The following CCDC6 variants were observed in gnomAD, a reference collection of about 807,000 sequenced individuals.
CCDC6 encodes the protein coiled-coil domain containing 6.
In CCDC6, 20 loss-of-function variants were observed where a neutral mutation model predicts 56.6. The observed-to-expected ratio is 0.35, with a 90% CI of 0.25 to 0.51. The LOEUF is 0.51. Among genes scored for constraint, CCDC6 ranks in the 20% least tolerant of loss-of-function variants. CCDC6 has a pLI of 0.95. For missense variants in CCDC6, 367 were observed against 601.1 expected (o/e 0.61, Z 4.07); for synonymous variants, 241 against 234.4 (o/e 1.03, Z -0.26).
chr10:59,811,907 A>C (rs2070675492), intron 5 of CCDC6, among the ~76,000 whole-genome samples: 1 of 152,222 alleles, frequency 6.6e-6, no homozygotes, highest in African/African-American at 2.4e-5. Flanking sequence ...GTATGTGTAT[A>C]AATAAGTTTA....
At chr10:59,894,804 G>T (rs1027236817) in intron 1 of CCDC6, among the ~76,000 whole-genome samples, 2 of 152,132 alleles carry the variant, frequency 1.3e-5, no homozygotes, top group African/African-American at 4.8e-5. Flanking sequence ...CCAGGAAGGG[G>T]AGCACAGACT....
intron 1 of CCDC6, among the ~76,000 whole-genome samples, chr10:59,871,706 C>A (rs2071231253): frequency 6.6e-6 from 1 of 152,084 alleles, no homozygotes. Flanking sequence ...CTTCAGCCTG[C>A]CTACATTTCC....
At chr10:59,891,744 G>C (rs1409397516) in intron 1 of CCDC6, among the ~76,000 whole-genome samples, 1 of 152,008 alleles carries the variant, frequency 6.6e-6, no homozygotes, top group East Asian at 1.9e-4. Context: ...CAGCAAAAGA[G>C]GGAAGGGCAG....
chr10:59,903,906 AC>A (rs1337734471), intron 1 of CCDC6, among the ~76,000 whole-genome samples: 2 of 152,226 alleles, frequency 1.3e-5, no homozygotes, highest in African/African-American at 4.8e-5. Context: ...GGTCAAACGT[AC>A]CACCACAGAA....
intron 3 of CCDC6, among the ~76,000 whole-genome samples, chr10:59,824,309 A>G (rs953752223): frequency 1.3e-5 from 2 of 152,196 alleles, no homozygotes; most frequent in African/African-American, 2.4e-5. Context: ...ATCCCAAAAA[A>G]TGGATTCCAA....
intron 1 of CCDC6, among the ~76,000 whole-genome samples, chr10:59,876,328 T>G (rs908229019): frequency 2.0e-5 from 3 of 151,938 alleles, no homozygotes; most frequent in African/African-American, 7.3e-5. Flanking sequence ...GGATCACAGG[T>G]GTGAGCCACC....
chr10:59,852,479 T>C (rs2071048493), intron 2 of CCDC6, 74 bp downstream of exon 2: 5 of 1,221,972 alleles, frequency 4.1e-6, no homozygotes, highest in African/African-American at 1.6e-5. Context: ...ACAAGCAAAG[T>C]GCTATATCAA....
intron 1 of CCDC6, among the ~76,000 whole-genome samples, chr10:59,897,166 G>A (rs1001803729): frequency 1.3e-5 from 2 of 152,082 alleles, no homozygotes; most frequent in African/African-American, 4.8e-5. Context: ...TCTTTGTTTA[G>A]ATAAACTCTG....
chr10:59,795,352 T>C (rs533218371), intron 7 of CCDC6, among the ~76,000 whole-genome samples: 5 of 152,256 alleles, frequency 3.3e-5, no homozygotes, highest in Admixed American at 6.5e-5. Flanking sequence ...AATGTGCTAA[T>C]AGATATATGA....
intron 3 of CCDC6, among the ~76,000 whole-genome samples, chr10:59,816,264 T>A (rs982909786): frequency 6.6e-6 from 1 of 152,150 alleles, no homozygotes; most frequent in African/African-American, 2.4e-5. Context: ...GTTCTAAGTT[T>A]AGAGAAAAAA....
At chr10:59,862,516 TACACACACACACACACACACAC>T (rs60162547) in intron 1 of CCDC6, among the ~76,000 whole-genome samples, 9 of 97,188 alleles carry the variant, frequency 9.3e-5, no homozygotes, top group East Asian at 5.7e-4. Flanking sequence ...TATATATATA[TACACACACACACACACACACAC>T]ACACACACAC....
chr10:59,867,061 C>T (rs1304341221), intron 1 of CCDC6, among the ~76,000 whole-genome samples: 1 of 152,126 alleles, frequency 6.6e-6, no homozygotes, highest in East Asian at 1.9e-4. Context: ...ACATAGTGTT[C>T]CTGTGTGTTG....
At chr10:59,842,511 T>C (rs1375015348) in intron 2 of CCDC6, among the ~76,000 whole-genome samples, 1 of 152,238 alleles carries the variant, frequency 6.6e-6, no homozygotes, top group Non-Finnish European at 1.5e-5. Context: ...TTACTGATTT[T>C]CTACTGGTAA....
At chr10:59,822,764 C>G (rs1035353420) in intron 3 of CCDC6, among the ~76,000 whole-genome samples, 2 of 152,082 alleles carry the variant, frequency 1.3e-5, no homozygotes, top group Non-Finnish European at 2.9e-5. Context: ...GGGTAGGTCC[C>G]TGGCAAAACC....
chr10:59,903,133 C>T (rs1366301448), intron 1 of CCDC6, among the ~76,000 whole-genome samples: 2 of 152,100 alleles, frequency 1.3e-5, no homozygotes. Context: ...TAAAAAAAAT[C>T]AGTGGTTGCC....
chr10:59,859,220 G>C (rs1406340082), intron 1 of CCDC6, among the ~76,000 whole-genome samples: 1 of 147,268 alleles, frequency 6.8e-6, no homozygotes, highest in Non-Finnish European at 1.5e-5. Flanking sequence ...GTGTGTGTGT[G>C]TGTGTGTGTG....
In CCDC6 at chr10:59,902,696, G is replaced by A. The variant is rs113289405; in HGVS notation, c.303+3426C>T. Among the ~76,000 whole-genome samples the A allele has an allele frequency of 2.2e-3, 341 of 152,204 alleles. 1 individual carries two copies. The highest frequency in any genetic ancestry group is 7.8e-3 in the African/African-American group (326 of 41,538). On this transcript the variant is annotated intron_variant, in intron 1 of 8. Transcript: ENST00000263102. Reference sequence around the variant, plus strand: ...ATTACAGGCATGAGCCACCGCGCCCGGCCCCGCCAAAGCAACTCTTATTCA... The same window carrying A: ...ATTACAGGCATGAGCCACCGCGCCCAGCCCCGCCAAAGCAACTCTTATTCA...
rs534850374 is a variant in CCDC6 at position 59,807,636 on chromosome 10, G to A, written c.848-558C>T. Among the ~76,000 whole-genome samples, 5 of 152,280 alleles carry A rather than the reference G, an allele frequency of 3.3e-5. No homozygotes were observed. In the South Asian group the frequency reaches 8.3e-4, roughly 25 times the overall value. On this transcript the variant is annotated intron_variant, in intron 5 of 8. Transcript: ENST00000263102. ...AGGCAGTGTTGGCAGGTTAGGCATC[G>A]TCACTCCCACTCATTTGCATTCTAA...
chr10:59,817,382 G>A (rs1044088162), intron 3 of CCDC6, among the ~76,000 whole-genome samples: 4 of 152,052 alleles, frequency 2.6e-5, no homozygotes, highest in Non-Finnish European at 2.9e-5. Flanking sequence ...TTCTTGCTAC[G>A]TTGCCCAGGC....
Sources: gnomAD v4.1 joint callset for allele counts (sites outside exome capture counted in the v4.1 genomes callset) on GRCh38, gnomAD v4.1.1 for gene constraint, MANE v1.5 for transcripts, NCBI Gene and HGNC (gene_info 2026-07-23, HGNC 2026-07-21) for gene names.